The following NAA16 variants were observed in gnomAD, a reference collection of about 807,000 sequenced individuals.
NAA16 encodes the protein N-alpha-acetyltransferase 16, NatA auxiliary subunit.
Under a neutral mutation model 110.3 loss-of-function variants are expected in NAA16, and 97 were observed. The ratio of observed to expected loss-of-function variants is 0.88; its 90% CI spans 0.75 to 1.04. The LOEUF (loss-of-function observed/expected upper bound fraction) is 1.04, where lower values mean the gene tolerates loss of function less well. Ranked by LOEUF, NAA16 falls within the 50% of genes least tolerant of loss-of-function variation. The probability of loss-of-function intolerance (pLI) is 0.00; values close to 1 mark genes in which losing one functional copy is unlikely to be tolerated. For missense variants in NAA16, 1,017 were observed against 1,005.1 expected (o/e 1.01, Z -0.16); for synonymous variants, 372 against 330.6 (o/e 1.13, Z -1.36).
At chr13:41,364,813 T>G (rs1324017002) in intron 13 of NAA16, among the ~76,000 whole-genome samples, 1 of 152,188 alleles carries the variant, frequency 6.6e-6, no homozygotes, top group Non-Finnish European at 1.5e-5. Context: ...TTAAGTAAAT[T>G]GAGTTGCTAA....
At chr13:41,317,539 T>A (rs1395444833) in intron 2 of NAA16, among the ~76,000 whole-genome samples, 4 of 152,210 alleles carry the variant, frequency 2.6e-5, no homozygotes, top group Non-Finnish European at 4.4e-5. Flanking sequence ...CAAAGCTGGT[T>A]GAGATTACTC....
chr13:41,370,020 A>G (rs553045891), intron 15 of NAA16, among the ~76,000 whole-genome samples: 16 of 152,324 alleles, frequency 1.1e-4, no homozygotes, highest in Non-Finnish European at 1.6e-4. Flanking sequence ...CTTACTAGAA[A>G]TGTTGTAGCT....
chr13:41,374,646 A>G (rs756310046), intron 18 of NAA16, 96 bp from the exon 19 acceptor site: 9 of 792,232 alleles, frequency 1.1e-5, no homozygotes, highest in Non-Finnish European at 1.8e-5. Flanking sequence ...CACTGATTAA[A>G]CACTTAAAAC....
chr13:41,370,960 A>G (rs560173856), intron 15 of NAA16, among the ~76,000 whole-genome samples: 3 of 152,350 alleles, frequency 2.0e-5, no homozygotes, highest in Admixed American at 6.5e-5. Flanking sequence ...GCCTGAAACA[A>G]TAAATCCCTG....
At chr13:41,373,275 T>G (rs1182797944) in intron 17 of NAA16, 2 of 748,172 alleles carry the variant, frequency 2.7e-6, no homozygotes, top group Non-Finnish European at 3.3e-6. Context: ...TGTTTTTTTT[T>G]TTGAGACAGT....
intron 9 of NAA16, among the ~76,000 whole-genome samples, chr13:41,339,945 T>C (rs2042491208): frequency 1.3e-5 from 2 of 152,326 alleles, no homozygotes; most frequent in African/African-American, 4.8e-5. Flanking sequence ...GAGAAATCTT[T>C]GGTGAAGAAA....
chr13:41,366,721 GAAAAC>G (rs1421181890), intron 13 of NAA16, among the ~76,000 whole-genome samples: 1 of 152,098 alleles, frequency 6.6e-6, no homozygotes, highest in African/African-American at 2.4e-5. Flanking sequence ...TAGAGTAAGA[GAAAAC>G]AATAAAGTTC....
In NAA16 at chr13:41,311,595, A is replaced by G. The variant is rs1392648178; in HGVS notation, c.54+13A>G. On this transcript the variant is annotated intron_variant, in intron 1 of 19. Transcript: ENST00000379406. The stretch of plus-strand genomic sequence containing the variant: ...CAAACGCATCTTGGTGAGTGGCCGT[A>G]GGCCGCGCTGCCGCCCCCCGGTCCC... 2 of 1,601,912 alleles carry G rather than the reference A, an allele frequency of 1.2e-6. No individual in the cohort carries two copies. The highest frequency in any genetic ancestry group is 1.3e-5 in the African/African-American group (1 of 74,448).
At chr13:41,333,421 C>G (rs1464964756) in intron 8 of NAA16, among the ~76,000 whole-genome samples, 1 of 152,108 alleles carries the variant, frequency 6.6e-6, no homozygotes, top group East Asian at 1.9e-4. Flanking sequence ...CTATTTCACT[C>G]CCTGTCACCC....
intron 13 of NAA16, among the ~76,000 whole-genome samples, chr13:41,364,454 T>C (rs992297833): frequency 6.6e-6 from 1 of 152,278 alleles, no homozygotes; most frequent in South Asian, 2.1e-4. Context: ...CAACCCAATC[T>C]GATGTTTGAA....
intron 12 of NAA16, among the ~76,000 whole-genome samples, chr13:41,359,804 C>A (rs2043074752): frequency 6.6e-6 from 1 of 152,074 alleles, no homozygotes; most frequent in Admixed American, 6.5e-5. Context: ...TTTCACTGTA[C>A]ACGAATCAGT....
intron 8 of NAA16, among the ~76,000 whole-genome samples, chr13:41,332,550 A>G (rs1019115027): frequency 2.0e-5 from 3 of 152,168 alleles, no homozygotes; most frequent in African/African-American, 7.2e-5. Context: ...TTGAGTTTTT[A>G]AAAAATTATG....
At chr13:41,325,482 C>A (rs1021715375) in intron 5 of NAA16, among the ~76,000 whole-genome samples, 1 of 151,758 alleles carries the variant, frequency 6.6e-6, no homozygotes, top group Non-Finnish European at 1.5e-5. Flanking sequence ...GATTTCTTGA[C>A]CTGTGTCACT....
chr13:41,366,564 A>G (rs1417846361), intron 13 of NAA16, among the ~76,000 whole-genome samples: 2 of 152,108 alleles, frequency 1.3e-5, no homozygotes, highest in African/African-American at 4.8e-5. Context: ...TTCACCTTTC[A>G]TGGAAGGGAT....
intron 9 of NAA16, among the ~76,000 whole-genome samples, chr13:41,347,542 T>C (rs2042719421): frequency 6.6e-6 from 1 of 152,112 alleles, no homozygotes; most frequent in Non-Finnish European, 1.5e-5. Context: ...TTTGTAATTA[T>C]TGTACAAGTC....
intron 4 of NAA16, among the ~76,000 whole-genome samples, chr13:41,321,040 C>T (rs1018863429): frequency 5.3e-5 from 8 of 152,198 alleles, no homozygotes; most frequent in African/African-American, 1.7e-4. Context: ...TGGCCCACGC[C>T]TGTAATCCCA....
rs185193993 is a variant in NAA16 at position 41,360,028 on chromosome 13, T to C, written c.1410+1066T>C. Among the ~76,000 whole-genome samples the C allele has an allele frequency of 6.6e-3, 1,003 of 152,238 alleles. 7 individuals are homozygous for C. The highest frequency in any genetic ancestry group is 0.012 in the Non-Finnish European group (814 of 67,986). On this transcript the variant is annotated intron_variant, in intron 12 of 19. Coordinates refer to ENST00000379406, the MANE Select transcript of NAA16 (RefSeq NM_024561.5). ...CTACCACATAGTAAATAGCACTAGG[T>C]TCAAAGTCTTCAATGCCCTTTCCAC...
At chr13:41,363,972 G>A (rs144852346) in intron 13 of NAA16, among the ~76,000 whole-genome samples, 4 of 152,064 alleles carry the variant, frequency 2.6e-5, no homozygotes, top group East Asian at 1.9e-4. Flanking sequence ...AATGTGTTTC[G>A]TATAAATAGG....
At chr13:41,375,018 T>G (rs1289153845) in intron 19 of NAA16, among the ~76,000 whole-genome samples, 179 bp downstream of exon 19, 1 of 152,218 alleles carries the variant, frequency 6.6e-6, no homozygotes, top group Non-Finnish European at 1.5e-5. Context: ...TTCCTCATTT[T>G]TAAGATGAGG....
Sources: gnomAD v4.1 joint callset for allele counts (sites outside exome capture counted in the v4.1 genomes callset) on GRCh38, gnomAD v4.1.1 for gene constraint, MANE v1.5 for transcripts, NCBI Gene and HGNC (gene_info 2026-07-23, HGNC 2026-07-21) for gene names.